The following CDC42BPA variants were observed in gnomAD, a reference collection of about 807,000 sequenced individuals.
The protein encoded by CDC42BPA is serine/threonine-protein kinase MRCK alpha.
CDC42BPA carries 80 observed loss-of-function variants against 223.5 expected under a neutral mutation model. The ratio of observed to expected loss-of-function variants is 0.36; its 90% CI spans 0.30 to 0.43. The LOEUF (loss-of-function observed/expected upper bound fraction) is 0.43. Among genes scored for constraint, CDC42BPA ranks in the 20% least tolerant of loss-of-function variants. CDC42BPA has a pLI of 1.00. For missense variants in CDC42BPA, 1,743 were observed against 2,099.9 expected, an observed-to-expected ratio of 0.83 and a Z score of 3.32; for synonymous variants, 694 against 718.6, an observed-to-expected ratio of 0.97 and a Z score of 0.55.
chr1:227,195,396 G>A (rs181030255), intron 4 of CDC42BPA, among the ~76,000 whole-genome samples: 11 of 152,216 alleles, frequency 7.2e-5, no homozygotes, highest in East Asian at 1.9e-4. Flanking sequence ...GTTTCACCAC[G>A]TTGCCCAGGA....
chr1:227,133,973 G>GAATGAATAA (rs370174201), intron 10 of CDC42BPA, among the ~76,000 whole-genome samples: 1 of 146,288 alleles, frequency 6.8e-6, no homozygotes, highest in Non-Finnish European at 1.5e-5. Flanking sequence ...AAAAATAAAT[G>GAATGAATAA]AATAAATAAA....
intron 3 of CDC42BPA, among the ~76,000 whole-genome samples, chr1:227,203,447 CAAT>C (rs1179171738): frequency 6.6e-6 from 1 of 152,000 alleles, no homozygotes; most frequent in Non-Finnish European, 1.5e-5. Flanking sequence ...TGTTCTAGAT[CAAT>C]ATTAACCAAA....
intron 8 of CDC42BPA, among the ~76,000 whole-genome samples, chr1:227,143,719 A>G (rs950108223): frequency 1.3e-5 from 2 of 152,226 alleles, no homozygotes; most frequent in African/African-American, 4.8e-5. Context: ...TCAACAACAT[A>G]TGTTATATAA....
intron 3 of CDC42BPA, among the ~76,000 whole-genome samples, chr1:227,200,770 TTG>T (rs1357091971): frequency 6.6e-6 from 1 of 152,202 alleles, no homozygotes; most frequent in Non-Finnish European, 1.5e-5. Context: ...ATTTAGCCAA[TTG>T]TCTTTCCTGA....
chr1:227,097,565 C>G (rs1684240064), intron 15 of CDC42BPA, among the ~76,000 whole-genome samples: 1 of 152,132 alleles, frequency 6.6e-6, no homozygotes. Flanking sequence ...ATTGGTCACA[C>G]CTGGTGCCAG....
At chr1:227,265,227 A>T in intron 1 of CDC42BPA, 1 of 564,146 alleles carries the variant, frequency 1.8e-6, no homozygotes, top group Non-Finnish European at 3.2e-6. Context: ...GCATCTAACA[A>T]CCCTGAGGTG....
chr1:227,173,153 C>A (rs1666377170), intron 5 of CDC42BPA, among the ~76,000 whole-genome samples: 2 of 152,132 alleles, frequency 1.3e-5, no homozygotes, highest in South Asian at 4.1e-4. Flanking sequence ...ATAGGATAGA[C>A]CAGAAGTTTC....
At chr1:227,203,684 C>T (rs1672187746) in intron 3 of CDC42BPA, among the ~76,000 whole-genome samples, 1 of 152,192 alleles carries the variant, frequency 6.6e-6, no homozygotes, top group Non-Finnish European at 1.5e-5. Flanking sequence ...GATTCACTCA[C>T]TTTCTCAACC....
intron 1 of CDC42BPA, among the ~76,000 whole-genome samples, chr1:227,261,359 G>C (rs894677244): frequency 6.6e-6 from 1 of 150,620 alleles, no homozygotes; most frequent in Non-Finnish European, 1.5e-5. Flanking sequence ...CAGGTGATCT[G>C]CCTGCCTTGG....
chr1:227,068,687 A>G (rs1677617357), intron 21 of CDC42BPA: 2 of 1,212,356 alleles, frequency 1.6e-6, no homozygotes, highest in Non-Finnish European at 2.1e-6. Flanking sequence ...AAGATGAGGA[A>G]GAAGAAAAGG....
intron 27 of CDC42BPA, among the ~76,000 whole-genome samples, chr1:227,033,018 T>A (rs996904086): frequency 5.3e-5 from 8 of 152,338 alleles, no homozygotes; most frequent in African/African-American, 7.2e-5. Flanking sequence ...TTTATTTTTT[T>A]AAAAACTTGA....
At position 226,993,660 on chromosome 1, in the gene CDC42BPA, C is replaced by T. The variant is rs1294928543; in HGVS notation, c.*608G>A. On this transcript the variant is annotated 3_prime_UTR_variant, in exon 37 of 37. Coordinates refer to ENST00000366766, the MANE Select transcript of CDC42BPA (RefSeq NM_001394014.1). ...AATTAAATCATCTCTCTTATATATGCATCCATCTTTTGTTGAATACAAGAG... is the reference window on the plus strand; with the variant it reads ...AATTAAATCATCTCTCTTATATATGTATCCATCTTTTGTTGAATACAAGAG... The T allele has an allele frequency of 2.0e-5, 3 of 152,686 alleles. No individual in the cohort carries two copies. The highest frequency in any genetic ancestry group is 2.9e-5 in the Non-Finnish European group (2 of 68,084). 9.5% of individuals were successfully genotyped at this position (152,686 alleles called of 1,614,324 possible).
Position 227,101,879 on chromosome 1 carries a change from A to G in CDC42BPA, c.2002-640T>C, listed in dbSNP as rs150549048. ...AGAAATAAGGCTGAAATATCCTCTC[A>G]GTAATAAGAAAGAAAAGAAAATGTA... On this transcript the variant is annotated intron_variant, in intron 14 of 36. Coordinates refer to ENST00000366766, the MANE Select transcript of CDC42BPA (RefSeq NM_001394014.1). Among the ~76,000 whole-genome samples the G allele has an allele frequency of 5.9e-3, 896 of 152,274 alleles. 2 individuals are homozygous for G. The highest frequency in any genetic ancestry group is 0.011 in the Admixed American group (173 of 15,292).
At chr1:227,288,024 C>A (rs72632809) in intron 1 of CDC42BPA, among the ~76,000 whole-genome samples, 23,939 of 152,046 alleles carry the variant, frequency 0.16, 2,171 homozygotes, top group East Asian at 0.37. Flanking sequence ...TTAGCCTTTT[C>A]CCTTTGTTGA....
intron 1 of CDC42BPA, among the ~76,000 whole-genome samples, chr1:227,311,010 C>G (rs1457851378): frequency 6.6e-6 from 1 of 151,968 alleles, no homozygotes; most frequent in African/African-American, 2.4e-5. Context: ...TTATATACAA[C>G]AAAAAACTTG....
chr1:227,068,776 C>A (rs1677642608), intron 21 of CDC42BPA: 2 of 449,100 alleles, frequency 4.5e-6, no homozygotes, highest in African/African-American at 4.4e-5. Context: ...AAATCAAAAA[C>A]TTTGTAAAAC....
In CDC42BPA at chr1:227,069,795, A is replaced by G. The variant is rs369166901; in HGVS notation, c.2886T>C (p.Asp962=). ...SFLAFLNTPT[D]ALDQFETDPV... is the part of the protein sequence containing the mutation. ...TACTTACTTCAAATTGATCCAGAGC[A>G]TCGGTAGGCGTATTCAAAAATGCCA... Residue 962 remains aspartate (D), a synonymous_variant, in exon 21 of 37, where the codon GAT becomes GAC. Coordinates refer to ENST00000366766, the MANE Select transcript of CDC42BPA (RefSeq NM_001394014.1). 21 of 1,610,336 alleles carry G rather than the reference A, an allele frequency of 1.3e-5. No homozygotes were observed. In the African/African-American group the frequency reaches 2.8e-4, roughly 22 times the overall value.
intron 21 of CDC42BPA, 188 bp downstream of exon 21, chr1:227,069,589 A>G (rs1204325293): frequency 7.4e-6 from 3 of 407,084 alleles, no homozygotes; most frequent in African/African-American, 4.1e-5. Flanking sequence ...GTTTTGTTAA[A>G]CAGAGGTGGG....
rs551402904 is a variant in CDC42BPA, at chr1:227,008,360, C to T, written c.4858-3249G>A. Among the ~76,000 whole-genome samples the T allele has an allele frequency of 1.2e-4, 19 of 152,262 alleles. No homozygotes were observed. The East Asian group carries it at 3.5e-3, about 28-fold the overall frequency. ...CAAACACTTAAAAGATGACTATCTT[C>T]TTTGCTATAATATGGTATAGATTAA... is the stretch of plus-strand genomic sequence containing the variant. On this transcript the variant is annotated intron_variant, in intron 34 of 36. Coordinates refer to ENST00000366766, the MANE Select transcript of CDC42BPA (RefSeq NM_001394014.1).
Sources: gnomAD v4.1 joint callset for allele counts (sites outside exome capture counted in the v4.1 genomes callset) on GRCh38, gnomAD v4.1.1 for gene constraint, MANE v1.5 for transcripts, NCBI Gene and HGNC (gene_info 2026-07-23, HGNC 2026-07-21) for gene names.